The following SH3KBP1 variants were observed in gnomAD, a reference collection of about 807,000 sequenced individuals.
SH3KBP1 encodes SH3 domain-containing kinase-binding protein 1.
In SH3KBP1, 8 loss-of-function variants were observed where a neutral mutation model predicts 50.1. The ratio of observed to expected loss-of-function variants is 0.16; its 90% CI spans 0.09 to 0.29. The LOEUF is 0.29. SH3KBP1 is among the 10% of genes least tolerant of loss of function. SH3KBP1 has a pLI of 1.00. For missense variants in SH3KBP1, 377 were observed against 535.2 expected (o/e 0.70, Z 2.92); for synonymous variants, 227 against 218.6 (o/e 1.04, Z -0.34).
At chrX:19,543,648 G>C (rs763002677) in intron 15 of SH3KBP1, among the ~76,000 whole-genome samples, 2 of 111,711 alleles carry the variant, frequency 1.8e-5, no homozygotes, top group Admixed American at 1.9e-4. Flanking sequence ...GAAGCCTCAG[G>C]GGGAGGTGGG....
intron 7 of SH3KBP1, among the ~76,000 whole-genome samples, 167 bp downstream of exon 7, chrX:19,645,233 T>G (rs1242044717): frequency 1.8e-5 from 2 of 112,317 alleles, no homozygotes; most frequent in Non-Finnish European, 3.8e-5. Flanking sequence ...GAATCTAACC[T>G]GTGCCCACCC....
At chrX:19,731,508 C>T (rs1198246317) in intron 3 of SH3KBP1, among the ~76,000 whole-genome samples, 1 of 111,492 alleles carries the variant, frequency 9.0e-6, no homozygotes, top group East Asian at 2.8e-4. Flanking sequence ...TAGTAAACTG[C>T]CTGTGGTCAG....
chrX:19,854,810 C>G (rs2068602782), intron 1 of SH3KBP1, among the ~76,000 whole-genome samples: 1 of 111,026 alleles, frequency 9.0e-6, no homozygotes, highest in Non-Finnish European at 1.9e-5. Context: ...AAAGTGCCCT[C>G]CAATCTCTTG....
chrX:19,775,678 C>T (rs2065949851), intron 2 of SH3KBP1, among the ~76,000 whole-genome samples: 1 of 111,525 alleles, frequency 9.0e-6, no homozygotes, highest in South Asian at 3.7e-4. Context: ...ACACCATCAT[C>T]CTGCATCATG....
chrX:19,665,643 G>C (rs2062579213), intron 6 of SH3KBP1, among the ~76,000 whole-genome samples: 1 of 111,848 alleles, frequency 8.9e-6, no homozygotes, highest in African/African-American at 3.2e-5. Flanking sequence ...GCCTGAGCTG[G>C]GAATAAGGCT....
intron 3 of SH3KBP1, 103 bp downstream of exon 3, chrX:19,746,215 A>T (rs1308433728): frequency 2.6e-5 from 26 of 995,826 alleles, no homozygotes; most frequent in Non-Finnish European, 3.5e-5. Context: ...AAAAGGACAA[A>T]CTCTATTCAA....
At chrX:19,779,969 C>A (rs777374581) in intron 2 of SH3KBP1, among the ~76,000 whole-genome samples, 288 of 110,752 alleles carry the variant, frequency 2.6e-3, no homozygotes, top group Non-Finnish European at 3.7e-3. Context: ...GGTATATACC[C>A]AGTAATGGGA....
intron 8 of SH3KBP1, among the ~76,000 whole-genome samples, chrX:19,623,522 CA>C (rs929699567): frequency 3.6e-5 from 4 of 111,473 alleles, no homozygotes; most frequent in South Asian, 3.7e-4. Context: ...CCCGTCTCTA[CA>C]AAAATACAAA....
intron 6 of SH3KBP1, among the ~76,000 whole-genome samples, chrX:19,649,737 A>C (rs2062079000): frequency 8.9e-6 from 1 of 111,849 alleles, no homozygotes; most frequent in African/African-American, 3.3e-5. Context: ...GTACAGCATC[A>C]AGACAGATAA....
intron 2 of SH3KBP1, chrX:19,747,655 G>C (rs891568933): frequency 3.5e-5 from 12 of 340,936 alleles, no homozygotes; most frequent in African/African-American, 2.9e-4. Flanking sequence ...TCAAGAGTGT[G>C]TTAGTTACCA....
intron 2 of SH3KBP1, among the ~76,000 whole-genome samples, chrX:19,784,161 C>T (rs1357949339): frequency 8.9e-6 from 1 of 111,902 alleles, no homozygotes; most frequent in East Asian, 2.8e-4. Context: ...CACATCTGTC[C>T]TTTCTTATCA....
At chrX:19,760,397 A>AATAAATAC (rs1556346919) in intron 2 of SH3KBP1, among the ~76,000 whole-genome samples, 77 of 96,644 alleles carry the variant, frequency 8.0e-4, no homozygotes, top group African/African-American at 2.9e-3. Flanking sequence ...AAAATAAATA[A>AATAAATAC]ATACATACAT....
chrX:19,701,734 G>A (rs1432526686), intron 4 of SH3KBP1, among the ~76,000 whole-genome samples: 1 of 112,140 alleles, frequency 8.9e-6, no homozygotes, highest in Admixed American at 9.4e-5. Flanking sequence ...CCTTAGCTGT[G>A]TATATCTTGC....
chrX:19,606,973 C>A (rs2067261014), intron 9 of SH3KBP1, among the ~76,000 whole-genome samples: 1 of 112,917 alleles, frequency 8.9e-6, no homozygotes, highest in Non-Finnish European at 1.9e-5. Flanking sequence ...TTTAAACCAA[C>A]CTAATGGTCT....
At chrX:19,570,923 C>T (rs2065988593) in intron 12 of SH3KBP1, among the ~76,000 whole-genome samples, 2 of 111,988 alleles carry the variant, frequency 1.8e-5, no homozygotes, top group Non-Finnish European at 3.8e-5. Context: ...TGCCACTGCA[C>T]TCCAGCCTGT....
intron 3 of SH3KBP1, among the ~76,000 whole-genome samples, chrX:19,713,502 T>G (rs2063828690): frequency 9.3e-6 from 1 of 108,067 alleles, no homozygotes; most frequent in Admixed American, 9.9e-5. Flanking sequence ...GCTCAAGTGA[T>G]CCTCCTGCCT....
At chrX:19,539,426 C>T (rs943145829) in intron 16 of SH3KBP1, among the ~76,000 whole-genome samples, 1 of 111,662 alleles carries the variant, frequency 9.0e-6, no homozygotes, top group Non-Finnish European at 1.9e-5. Flanking sequence ...TTTATTTAAG[C>T]GCACATCATG....
intron 2 of SH3KBP1, among the ~76,000 whole-genome samples, chrX:19,784,339 C>T (rs919285012): frequency 8.9e-6 from 1 of 111,788 alleles, no homozygotes; most frequent in Non-Finnish European, 1.9e-5. Context: ...AAATGTGGTA[C>T]ACGATTAAGC....
chrX:19,648,004 G>C (rs749194889), intron 6 of SH3KBP1: 1 of 371,999 alleles, frequency 2.7e-6, no homozygotes, highest in South Asian at 2.4e-5. Context: ...AAAACTTCAG[G>C]GGCCTATTCT....
Sources: allele counts gnomAD v4.1 joint callset (sites outside exome capture counted in the v4.1 genomes callset), GRCh38; gene constraint gnomAD v4.1.1; transcripts MANE v1.5; gene names NCBI Gene and HGNC (gene_info 2026-07-23, HGNC 2026-07-21).